The following NAA16 variants were observed in gnomAD, a reference collection of about 807,000 sequenced individuals.
NAA16 encodes the protein NARG1-like protein.
Under a neutral mutation model 110.3 loss-of-function variants are expected in NAA16, and 97 were observed. That is an observed-to-expected ratio of 0.88 (90% CI 0.75 to 1.04). NAA16 has a LOEUF of 1.04. Ranked by LOEUF, NAA16 falls within the 50% of genes least tolerant of loss-of-function variation. The pLI, the probability that NAA16 is intolerant of heterozygous loss-of-function variation, is 0.00. For synonymous variants in NAA16, 372 were observed against 330.6 expected (o/e 1.13, Z -1.36); for missense variants, 1,017 against 1,005.1 (o/e 1.01, Z -0.16).
At position 41,374,787 on chromosome 13, in the gene NAA16, C is replaced by T. The variant is rs80065717; in HGVS notation, c.2345C>T (p.Ala782Val). ...YFLDKSRQEK[A>V]IAIATRLDET... ...CTGGACAAGTCAAGGCAGGAGAAAG[C>T]AATTGCTATAGCCACTAGACTAGAT... Residue 782 changes from alanine to valine, a missense_variant, in exon 19 of 20, where the codon GCA becomes GTA. Ala to Val is a moderately conservative substitution (Grantham distance 64). Transcript: ENST00000379406. 2 of 1,612,828 alleles carry T rather than the reference C, an allele frequency of 1.2e-6. No individual in the cohort carries two copies. Among genetic ancestry groups the T allele is most frequent in the Admixed American group, 3.3e-5 (2 of 59,824 alleles).
chr13:41,318,941 G>T, intron 3 of NAA16, 31 bp downstream of exon 3: 1 of 1,331,692 alleles, frequency 7.5e-7, no homozygotes, highest in Admixed American at 2.4e-5. Context: ...AATAGTTTAT[G>T]TTTTAGCTAG....
chr13:41,316,792 T>A (rs2041821893), intron 1 of NAA16, 54 bp from the exon 2 acceptor site: 1 of 1,155,408 alleles, frequency 8.7e-7, no homozygotes, highest in Admixed American at 1.7e-5. Context: ...TGTGAGAAGT[T>A]GCTCCATTAT....
chr13:41,366,692 T>C lies in NAA16; in HGVS notation c.1540-747T>C, dbSNP rs535510846. Among the ~76,000 whole-genome samples the C allele has an allele frequency of 2.6e-4, 39 of 152,338 alleles. 1 individual carries two copies. The South Asian group carries it at 7.9e-3, about 31-fold the overall frequency. ...ACATAGACTCCAGTTTCAGAACTTC[T>C]GCTAAAATGGAATGTAGGTAGAGTA... is the stretch of plus-strand genomic sequence containing the variant. On this transcript the variant is annotated intron_variant, in intron 13 of 19. Transcript: ENST00000379406.
intron 12 of NAA16, among the ~76,000 whole-genome samples, chr13:41,361,800 C>T (rs866811228): frequency 4.6e-5 from 7 of 152,292 alleles, no homozygotes; most frequent in Middle Eastern, 3.4e-3. Context: ...GCAATTTTCC[C>T]TTTAATATCT....
At chr13:41,330,580 A>T (rs1040047934) in intron 7 of NAA16, among the ~76,000 whole-genome samples, 1 of 152,050 alleles carries the variant, frequency 6.6e-6, no homozygotes, top group Non-Finnish European at 1.5e-5. Context: ...ATATTATTTT[A>T]GAAAGATAAA....
At chr13:41,346,158 T>C (rs988933627) in intron 9 of NAA16, among the ~76,000 whole-genome samples, 1 of 152,258 alleles carries the variant, frequency 6.6e-6, no homozygotes, top group African/African-American at 2.4e-5. Flanking sequence ...GTTCATTTTG[T>C]ATATGGTGTG....
intron 3 of NAA16, among the ~76,000 whole-genome samples, chr13:41,319,208 A>C (rs960842922): frequency 2.0e-5 from 3 of 152,152 alleles, no homozygotes; most frequent in African/African-American, 7.2e-5. Context: ...GTTGGAGAAA[A>C]GTTACTTTGG....
intron 2 of NAA16, among the ~76,000 whole-genome samples, chr13:41,317,325 ATGTGT>A (rs1306404110): frequency 2.0e-5 from 3 of 151,656 alleles, no homozygotes; most frequent in East Asian, 3.9e-4. Context: ...TCTTTGGTAG[ATGTGT>A]TTTGTTTTGT....
intron 13 of NAA16, among the ~76,000 whole-genome samples, chr13:41,367,192 T>C (rs17533015): frequency 0.014 from 2,112 of 152,264 alleles, 28 homozygotes; most frequent in Non-Finnish European, 0.021. Flanking sequence ...TTTTGACTTA[T>C]ATAGAAGTTG....
rs556439056 is a variant in NAA16 at position 41,358,013 on chromosome 13, C to T, written c.1088-291C>T. The stretch of plus-strand genomic sequence containing the variant: ...CCTGGTCTTGCTGCCCTTTTGCTTT[C>T]AGGCTGAGAGTTCACAGAATTAGTT... On this transcript the variant is annotated intron_variant, in intron 10 of 19. Coordinates refer to ENST00000379406, the MANE Select transcript of NAA16 (RefSeq NM_024561.5). Among the ~76,000 whole-genome samples the T allele has an allele frequency of 2.6e-5, 4 of 152,252 alleles. No homozygotes were observed. In the East Asian group the frequency reaches 7.7e-4, roughly 29 times the overall value.
At chr13:41,352,974 G>T (rs551161789) in intron 9 of NAA16, among the ~76,000 whole-genome samples, 3 of 151,908 alleles carry the variant, frequency 2.0e-5, no homozygotes, top group African/African-American at 4.8e-5. Flanking sequence ...AAAATTAGCC[G>T]GGTGTGGTGG....
intron 9 of NAA16, among the ~76,000 whole-genome samples, chr13:41,350,297 GT>G (rs71086566): frequency 0.91 from 116,121 of 127,346 alleles, 52,804 homozygotes; most frequent in East Asian, 0.97. Flanking sequence ...AATCAGTTTT[GT>G]TTTTTTTTTT....
intron 9 of NAA16, among the ~76,000 whole-genome samples, chr13:41,353,382 C>T (rs1361193024): frequency 2.0e-5 from 3 of 151,342 alleles, no homozygotes; most frequent in South Asian, 2.1e-4. Context: ...TTTAATTTTG[C>T]TTAAAAAAAA....
chr13:41,331,145 C>T, intron 7 of NAA16, 129 bp from the exon 8 acceptor site: 18 of 534,250 alleles, frequency 3.4e-5, no homozygotes, highest in South Asian at 1.7e-4. Context: ...TCATTTTTAC[C>T]AAAATTGAAA....
intron 9 of NAA16, 76 bp downstream of exon 9, chr13:41,336,832 T>A: frequency 1.3e-6 from 1 of 775,124 alleles, no homozygotes; most frequent in Non-Finnish European, 2.1e-6. Context: ...GTAAATAATG[T>A]GCTATTACTT....
At chr13:41,350,755 G>A (rs896175893) in intron 9 of NAA16, among the ~76,000 whole-genome samples, 7 of 151,890 alleles carry the variant, frequency 4.6e-5, no homozygotes, top group Admixed American at 4.6e-4. Context: ...CAAGTAGCTG[G>A]GACTCCAGGC....
At chr13:41,351,531 C>T (rs1174463237) in intron 9 of NAA16, among the ~76,000 whole-genome samples, 5 of 152,068 alleles carry the variant, frequency 3.3e-5, no homozygotes, top group South Asian at 2.1e-4. Flanking sequence ...AAATGTGTAT[C>T]GGTTATGATG....
chr13:41,362,298 A>G, intron 13 of NAA16, 139 bp downstream of exon 13: 3 of 805,306 alleles, frequency 3.7e-6, no homozygotes, highest in Non-Finnish European at 3.7e-6. Context: ...TAACCTTTAC[A>G]TTCAGAAGTT....
In NAA16 at chr13:41,376,897, G is replaced by T. The variant is rs2043435262; in HGVS notation, c.*1295G>T. 1 of 152,034 alleles carries T rather than the reference G, an allele frequency of 6.6e-6. No homozygotes were observed. The highest frequency in any genetic ancestry group is 2.4e-5 in the African/African-American group (1 of 41,378). The allele number at this position is 152,034 out of a possible 1,614,324, so 9.4% of individuals were successfully genotyped here. The stretch of plus-strand genomic sequence containing the variant: ...ATTAAGACAAATATACATTCAAAAA[G>T]GGAGATTTTATTTAGACACACATTT... On this transcript the variant is annotated 3_prime_UTR_variant, in exon 20 of 20. Transcript: ENST00000379406.
Sources: gnomAD v4.1 joint callset for allele counts (sites outside exome capture counted in the v4.1 genomes callset) on GRCh38, gnomAD v4.1.1 for gene constraint, MANE v1.5 for transcripts, NCBI Gene and HGNC (gene_info 2026-07-23, HGNC 2026-07-21) for gene names.